GALNT3: variants seen among roughly 807,000 people sequenced by gnomAD.
The protein encoded by GALNT3 is GalNAc transferase 3.
Under a neutral mutation model 69.8 loss-of-function variants are expected in GALNT3, and 51 were observed. The observed-to-expected ratio is 0.73, with a 90% CI of 0.58 to 0.92. GALNT3 has a LOEUF of 0.92. Ranked by LOEUF, GALNT3 falls within the 40% of genes least tolerant of loss-of-function variation. The pLI, the probability that GALNT3 is intolerant of heterozygous loss-of-function variation, is 0.00. For synonymous variants in GALNT3, 265 were observed against 248.5 expected (o/e 1.07, Z -0.63); for missense variants, 711 against 760.0 (o/e 0.94, Z 0.76).
intron 2 of GALNT3, among the ~76,000 whole-genome samples, chr2:165,769,442 A>AT (rs1688710890): frequency 1.4e-5 from 1 of 72,022 alleles, no homozygotes; most frequent in South Asian, 4.4e-4. Context: ...AATAATAATA[A>AT]ATAAATAAAT....
chr2:165,752,227 T>C (rs1688368128), intron 9 of GALNT3, among the ~76,000 whole-genome samples: 1 of 152,132 alleles, frequency 6.6e-6, no homozygotes, highest in South Asian at 2.1e-4. Flanking sequence ...AAATCCTTCC[T>C]CCAAGATGAG....
Position 165,788,503 on chromosome 2 carries a change from GTGTA to G in GALNT3, c.-109+5508_-109+5511del, listed in dbSNP as rs1414808420. ...TGTGTGTGTGTGTGTGTGTGTGTGT[GTGTA>G]TACAGACAAGAGCAAAAGCAGACTA... On this transcript the variant is annotated intron_variant, in intron 1 of 10. Coordinates refer to ENST00000392701, the MANE Select transcript of GALNT3 (RefSeq NM_004482.4). 9.1e-4 allele frequency among the ~76,000 whole-genome samples: 136 copies of G among 150,232 alleles called. 2 individuals are homozygous for G. The highest frequency in any genetic ancestry group is 1.5e-3 in the Non-Finnish European group (101 of 67,576).
chr2:165,774,909 CTTTTTT>C (rs71031204), intron 1 of GALNT3, among the ~76,000 whole-genome samples: 102 of 104,366 alleles, frequency 9.8e-4, no homozygotes, highest in African/African-American at 3.2e-3. Context: ...CTTCTTCTCT[CTTTTTT>C]TTTTTTTTTT....
chr2:165,770,530 T>C lies in GALNT3; in HGVS notation c.171A>G (p.Lys57=), dbSNP rs1276228336. The change falls in exon 2 of 11, where the codon AAA becomes AAG. Residue 57 remains lysine (K), a synonymous_variant. Coordinates refer to ENST00000392701, the MANE Select transcript of GALNT3 (RefSeq NM_004482.4). The part of the protein sequence containing the change: ...KEESRMERNM[K]NKNKMLDLML... ...TTAAATCCAACATCTTGTTTTTGTT[T>C]TTCATGTTCCTTTCCATCCTTGATT... The C allele has an allele frequency of 1.9e-6, 3 of 1,614,178 alleles. No homozygotes were observed. Among genetic ancestry groups the C allele is most frequent in the Non-Finnish European group, 2.5e-6 (3 of 1,180,030 alleles).
chr2:165,758,799 T>C lies in GALNT3; in HGVS notation c.1139A>G (p.Tyr380Cys). Reference protein sequence around the residue: ...SKEYFEYIGSYDEEMEIWGGE... With the variant: ...SKEYFEYIGSCDEEMEIWGGE... ...TCCCCAGATTTCCATTTCTTCATCA[T>C]AGCTTCCAATATACTCAAAATATTC... The change falls in exon 6 of 11, where the codon TAT becomes TGT. Residue 380 changes from tyrosine (Y) to cysteine (C), a missense_variant. Tyr to Cys is a radical substitution (Grantham distance 194). Coordinates refer to ENST00000392701, the MANE Select transcript of GALNT3 (RefSeq NM_004482.4). 1 of 1,611,392 alleles carries C rather than the reference T, an allele frequency of 6.2e-7. No individual in the cohort carries two copies. The highest frequency in any genetic ancestry group is 8.5e-7 in the Non-Finnish European group (1 of 1,177,702).
In GALNT3 at chr2:165,748,672, T is replaced by A; in HGVS notation, c.*109A>T. 1.0e-6 allele frequency: 1 copy of A among 996,922 alleles called. No individual in the cohort carries two copies. Among genetic ancestry groups the A allele is most frequent in the Non-Finnish European group, 1.5e-6 (1 of 665,870 alleles). 61.8% of individuals were successfully genotyped at this position (996,922 alleles called of 1,614,324 possible). A position where few individuals can be genotyped will look rare whatever the true frequency, so the allele number is the denominator to read the frequency against. On this transcript the variant is annotated 3_prime_UTR_variant, in exon 11 of 11. Coordinates refer to ENST00000392701, the MANE Select transcript of GALNT3 (RefSeq NM_004482.4). ...ATAAATAAGAAAAATGCACTTGGAA[T>A]AAGTTACATTTAGCTGCTTTTGCAT... is the stretch of plus-strand genomic sequence containing the variant.
At chr2:165,764,786 C>T (rs544428241) in intron 3 of GALNT3, 98 bp downstream of exon 3, 1 of 1,201,194 alleles carries the variant, frequency 8.3e-7, no homozygotes, top group East Asian at 2.3e-5. Flanking sequence ...TATATTCAAG[C>T]TCTGAGATGG....
chr2:165,781,644 T>C (rs1460014050), intron 1 of GALNT3, among the ~76,000 whole-genome samples: 1 of 151,872 alleles, frequency 6.6e-6, no homozygotes, highest in Non-Finnish European at 1.5e-5. Context: ...GGCTACTGAA[T>C]GCCCAGAAGT....
intron 1 of GALNT3, among the ~76,000 whole-genome samples, chr2:165,785,811 T>C (rs572763760): frequency 6.6e-6 from 1 of 152,216 alleles, no homozygotes; most frequent in East Asian, 1.9e-4. Context: ...AGAGGACAGA[T>C]TGCTCCAGTA....
rs763883635 is a variant in GALNT3, at chr2:165,748,897, G to T, written c.1786C>A (p.Leu596Ile). 5.0e-6 allele frequency: 8 copies of T among 1,609,102 alleles called. No homozygotes were observed. Among genetic ancestry groups the T allele is most frequent in the Admixed American group, 3.4e-5 (2 of 59,658 alleles). Residue 596 changes from leucine to isoleucine, a missense_variant, in exon 11 of 11, where the codon CTT becomes ATT. Transcript: ENST00000392701. ...ATTTTTAAGAATGGATTGTATAGAA[G>T]TTGATCCTAGAATAAAAGGAAACAA... ...EQIWEIQKDQ[L>I]LYNPFLKMCL... is the part of the protein sequence containing the mutation.
At chr2:165,784,665 A>G (rs1006727062) in intron 1 of GALNT3, among the ~76,000 whole-genome samples, 2 of 152,104 alleles carry the variant, frequency 1.3e-5, no homozygotes, top group African/African-American at 2.4e-5. Flanking sequence ...TCAAGACCCC[A>G]TCCTGAAAAA....
At chr2:165,750,410 C>T (rs1049094771) in intron 9 of GALNT3, among the ~76,000 whole-genome samples, 1 of 152,122 alleles carries the variant, frequency 6.6e-6, no homozygotes, top group Non-Finnish European at 1.5e-5. Flanking sequence ...ATGACTGGCA[C>T]ACGGTGAGTT....
chr2:165,766,353 T>C (rs1357104754), intron 2 of GALNT3, among the ~76,000 whole-genome samples: 1 of 152,238 alleles, frequency 6.6e-6, no homozygotes, highest in Non-Finnish European at 1.5e-5. Flanking sequence ...CTACTATCCA[T>C]TAGTTAAAAA....
At chr2:165,750,304 C>A (rs937460065) in intron 9 of GALNT3, among the ~76,000 whole-genome samples, 1 of 152,138 alleles carries the variant, frequency 6.6e-6, no homozygotes, top group Non-Finnish European at 1.5e-5. Flanking sequence ...GTTCACCATG[C>A]CTCAGTTTTC....
At chr2:165,791,310 A>C (rs1364322207) in intron 1 of GALNT3, among the ~76,000 whole-genome samples, 1 of 152,006 alleles carries the variant, frequency 6.6e-6, no homozygotes, top group Non-Finnish European at 1.5e-5. Flanking sequence ...AGAAAAAGAA[A>C]GCTGGTAGAA....
chr2:165,790,434 T>C (rs554975605), intron 1 of GALNT3, among the ~76,000 whole-genome samples: 1 of 152,316 alleles, frequency 6.6e-6, no homozygotes, highest in South Asian at 2.1e-4. Context: ...TTACATAGTA[T>C]GAATTATTTT....
intron 4 of GALNT3, among the ~76,000 whole-genome samples, chr2:165,759,903 A>G (rs1221233229): frequency 6.6e-6 from 1 of 152,156 alleles, no homozygotes; most frequent in Non-Finnish European, 1.5e-5. Flanking sequence ...TGAGTAGACA[A>G]TATATTATTA....
chr2:165,781,810 TGATTAA>T (rs1426185379), intron 1 of GALNT3, among the ~76,000 whole-genome samples: 2 of 152,256 alleles, frequency 1.3e-5, no homozygotes, highest in East Asian at 1.9e-4. Flanking sequence ...AATGTTACGA[TGATTAA>T]GATTAAGAAT....
intron 1 of GALNT3, among the ~76,000 whole-genome samples, chr2:165,793,223 C>G (rs1365009862): frequency 1.3e-5 from 2 of 152,056 alleles, no homozygotes; most frequent in Non-Finnish European, 2.9e-5. Context: ...TTTTTTTGAA[C>G]CTTTGAGTCA....
Sources: gnomAD v4.1 joint callset for allele counts (sites outside exome capture counted in the v4.1 genomes callset) on GRCh38, gnomAD v4.1.1 for gene constraint, MANE v1.5 for transcripts, NCBI Gene and HGNC (gene_info 2026-07-23, HGNC 2026-07-21) for gene names.